The following OPRK1 variants were observed in gnomAD, a reference collection of about 807,000 sequenced individuals.
The protein encoded by OPRK1 is kappa-type opioid receptor.
A neutral mutation model predicts 24.5 loss-of-function variants in OPRK1; 15 were observed. The ratio of observed to expected loss-of-function variants is 0.61; its 90% confidence interval spans 0.41 to 0.94. The LOEUF (loss-of-function observed/expected upper bound fraction) is 0.94. Ranked by LOEUF, OPRK1 falls within the 40% of genes least tolerant of loss-of-function variation. The pLI is 0.00. For synonymous variants in OPRK1, 205 were observed against 198.0 expected (o/e 1.04, Z -0.30); for missense variants, 479 against 507.3 (o/e 0.94, Z 0.54).
chr8:53,238,155 G>A (rs554829506), intron 2 of OPRK1, among the ~76,000 whole-genome samples: 55 of 152,274 alleles, frequency 3.6e-4, no homozygotes, highest in Non-Finnish European at 7.2e-4. Context: ...GTATCTAACC[G>A]CAACAGAATT....
chr8:53,229,284 T>C lies in OPRK1; in HGVS notation c.*13A>G. ...CTTCCCGAAGAACTGTACGAAGACA[T>C]CTCCACGACTAGTCATACTGGTTTA... On this transcript the variant is annotated 3_prime_UTR_variant, in exon 4 of 4. Coordinates refer to ENST00000265572, the MANE Select transcript of OPRK1 (RefSeq NM_000912.5). 1 of 1,604,928 alleles carries C rather than the reference T, an allele frequency of 6.2e-7. No individual in the cohort carries two copies. Among genetic ancestry groups the C allele is most frequent in the Non-Finnish European group, 8.5e-7 (1 of 1,174,390 alleles).
At chr8:53,247,990 CAAAAAAAA>C (rs767911838) in intron 2 of OPRK1, among the ~76,000 whole-genome samples, 14 of 32,364 alleles carry the variant, frequency 4.3e-4, no homozygotes, top group South Asian at 1.3e-3. Context: ...GATTCTGTCT[CAAAAAAAA>C]AAAAAAAAAA....
At chr8:53,249,921 C>T (rs1807328942) in intron 2 of OPRK1, among the ~76,000 whole-genome samples, 1 of 152,200 alleles carries the variant, frequency 6.6e-6, no homozygotes, top group African/African-American at 2.4e-5. Flanking sequence ...AAAGGAAACA[C>T]ATCTATCTTA....
Position 53,229,715 on chromosome 8 carries a change from A to T in OPRK1, c.725T>A (p.Ile242Asn). 6.2e-7 allele frequency: 1 copy of T among 1,614,142 alleles called. No homozygotes were observed. The highest frequency in any genetic ancestry group is 8.5e-7 in the Non-Finnish European group (1 of 1,180,008). The change falls in exon 4 of 4, where the codon ATC becomes AAC. Residue 242 changes from isoleucine (I) to asparagine (N), a missense_variant. Physicochemically the swap from Ile to Asn is moderately radical, Grantham distance 149. Coordinates refer to ENST00000265572, the MANE Select transcript of OPRK1 (RefSeq NM_000912.5). ...GATCATCAGGGTGTAGCAGACGATG[A>T]TGATGAGGACAGGGATCACGAAGGC... ...IFAFVIPVLIIIVCYTLMILR... is the reference protein window; with the variant it reads ...IFAFVIPVLINIVCYTLMILR...
intron 2 of OPRK1, among the ~76,000 whole-genome samples, chr8:53,245,741 G>C (rs1807213565): frequency 6.6e-6 from 1 of 152,156 alleles, no homozygotes; most frequent in Non-Finnish European, 1.5e-5. Context: ...ACAGTCCCCA[G>C]GTTTTCAAAC....
chr8:53,246,519 G>C (rs546542104), intron 2 of OPRK1, among the ~76,000 whole-genome samples: 1 of 152,304 alleles, frequency 6.6e-6, no homozygotes, highest in South Asian at 2.1e-4. Context: ...GCTTGGTTAT[G>C]TTCATGTGCT....
At chr8:53,243,048 G>T in intron 2 of OPRK1, 1 of 1,058,192 alleles carries the variant, frequency 9.5e-7, no homozygotes, top group Non-Finnish European at 1.2e-6. Context: ...GGAAAAAAAG[G>T]GACTGCTGCT....
At position 53,251,024 on chromosome 8, in the gene OPRK1, A is replaced by T. The variant is rs762306116; in HGVS notation, c.14T>A (p.Ile5Asn). The T allele has an allele frequency of 5.8e-6, 9 of 1,560,762 alleles. No individual in the cohort carries two copies. In the African/African-American group the frequency reaches 1.2e-4, roughly 21 times the overall value. Residue 5 changes from isoleucine to asparagine, a missense_variant, in exon 2 of 4, where the codon ATC (isoleucine) becomes AAC (asparagine). Ile to Asn is a moderately radical substitution (Grantham distance 149, BLOSUM62 -3). Transcript: ENST00000265572. ...GCCCGGCTCCCCGCGGAAGATCTGGATCGGGGAGTCCATGGTGGGGCGATT... is the reference window on the plus strand; with the variant it reads ...GCCCGGCTCCCCGCGGAAGATCTGGTTCGGGGAGTCCATGGTGGGGCGATT... MDSP[I>N]QIFRGEPGPT...
At chr8:53,247,282 A>T (rs754626433) in intron 2 of OPRK1, among the ~76,000 whole-genome samples, 9 of 152,232 alleles carry the variant, frequency 5.9e-5, no homozygotes, top group Non-Finnish European at 8.8e-5. Context: ...AGCAGAATGG[A>T]TAAGAGCATA....
Position 53,235,121 on chromosome 8 carries a change from A to G in OPRK1, c.258-10T>C. On this transcript the variant is annotated splice_polypyrimidine_tract_variant and intron_variant, in intron 2 of 3. Coordinates refer to ENST00000265572, the MANE Select transcript of OPRK1 (RefSeq NM_000912.5). ...CTTCATCTTTGTGTATCTAAAAGAA[A>G]AGAAACAATAGCATTTCCCTCCATT... The G allele has an allele frequency of 6.2e-7, 1 of 1,603,898 alleles. No homozygotes were observed.
At position 53,238,698 on chromosome 8, in the gene OPRK1, G is replaced by C. The variant is rs1464839535; in HGVS notation, c.258-3587C>G. ...AATTGGCAGACACTGGTGCTTGTGTGATGGTGAGGGGAACAAAGTTATCTG... is the reference window on the plus strand; with the variant it reads ...AATTGGCAGACACTGGTGCTTGTGTCATGGTGAGGGGAACAAAGTTATCTG... On this transcript the variant is annotated intron_variant, in intron 2 of 3. Transcript: ENST00000265572. 4.1e-6 allele frequency: 4 copies of C among 985,358 alleles called. No individual in the cohort carries two copies. The African/African-American group carries it at 7.0e-5, about 17-fold the overall frequency. The allele number at this position is 985,358 out of a possible 1,614,324, so 61.0% of individuals were successfully genotyped here. A position where few individuals can be genotyped will look rare whatever the true frequency, so the allele number is the denominator to read the frequency against.
chr8:53,245,287 T>C (rs1417227565), intron 2 of OPRK1, among the ~76,000 whole-genome samples: 1 of 152,162 alleles, frequency 6.6e-6, no homozygotes, highest in African/African-American at 2.4e-5. Context: ...ATGACTGGTG[T>C]CCTCATAAGA....
chr8:53,243,717 TA>T (rs1379088552), intron 2 of OPRK1, among the ~76,000 whole-genome samples: 1 of 152,178 alleles, frequency 6.6e-6, no homozygotes, highest in Non-Finnish European at 1.5e-5. Flanking sequence ...AAATGAAAGA[TA>T]GTCTCTTGAA....
chr8:53,240,881 G>A (rs1321174847), intron 2 of OPRK1, among the ~76,000 whole-genome samples: 1 of 152,184 alleles, frequency 6.6e-6, no homozygotes. Context: ...GTAACTGTGT[G>A]TGGTAATGGC....
At chr8:53,232,445 A>G (rs1806878603) in intron 3 of OPRK1, among the ~76,000 whole-genome samples, 1 of 152,232 alleles carries the variant, frequency 6.6e-6, no homozygotes, top group African/African-American at 2.4e-5. Flanking sequence ...TGAATATCCC[A>G]ATTACCCTAA....
At chr8:53,237,062 G>A (rs1280099044) in intron 2 of OPRK1, among the ~76,000 whole-genome samples, 1 of 152,130 alleles carries the variant, frequency 6.6e-6, no homozygotes, top group Non-Finnish European at 1.5e-5. Flanking sequence ...TAGAGTTCCA[G>A]GGGTAATTAA....
intron 3 of OPRK1, among the ~76,000 whole-genome samples, chr8:53,230,338 A>T (rs1806821756): frequency 6.6e-6 from 1 of 152,196 alleles, no homozygotes; most frequent in South Asian, 2.1e-4. Flanking sequence ...GGAAATCATT[A>T]TGTGGGTCAA....
chr8:53,236,447 G>A (rs1404080283), intron 2 of OPRK1, among the ~76,000 whole-genome samples: 3 of 152,162 alleles, frequency 2.0e-5, no homozygotes, highest in Non-Finnish European at 4.4e-5. Context: ...TTGTGAAGAC[G>A]GGTACTAGAG....
Position 53,250,689 on chromosome 8 carries a change from G to C in OPRK1, c.257+92C>G. 4 of 1,333,688 alleles carry C rather than the reference G, an allele frequency of 3.0e-6. No individual in the cohort carries two copies. The South Asian group carries it at 4.4e-5, about 15-fold the overall frequency. The allele number at this position is 1,333,688 out of a possible 1,614,324, so 82.6% of individuals were successfully genotyped here. A position where few individuals can be genotyped will look rare whatever the true frequency, so the allele number is the denominator to read the frequency against. ...CACGGAACAGAGTCCCCACCACCTG[G>C]CTGGCTGCCCCCACTGCTGCTCCAG... is the stretch of plus-strand genomic sequence containing the variant. On this transcript the variant is annotated intron_variant, in intron 2 of 3. Coordinates refer to ENST00000265572, the MANE Select transcript of OPRK1 (RefSeq NM_000912.5).
Sources: gnomAD v4.1 joint callset for allele counts (sites outside exome capture counted in the v4.1 genomes callset) on GRCh38, gnomAD v4.1.1 for gene constraint, MANE v1.5 for transcripts, NCBI Gene and HGNC (gene_info 2026-07-23, HGNC 2026-07-21) for gene names.